Variants in AOAH observed in about 807,000 individuals in gnomAD.
AOAH encodes the protein acyloxyacyl hydrolase.
A neutral mutation model predicts 92.2 loss-of-function variants in AOAH; 64 were observed. The observed-to-expected ratio is 0.69, with a 90% confidence interval of 0.57 to 0.86. The LOEUF is 0.86. Ranked by LOEUF, AOAH falls within the 40% of genes least tolerant of loss-of-function variation. The pLI is 0.00. For missense variants in AOAH, 656 were observed against 694.6 expected (o/e 0.94, Z 0.62); for synonymous variants, 263 against 254.5 (o/e 1.03, Z -0.32).
intron 12 of AOAH, among the ~76,000 whole-genome samples, chr7:36,590,478 A>C (rs924269126): frequency 8.5e-5 from 13 of 152,226 alleles, no homozygotes; most frequent in African/African-American, 3.1e-4. Context: ...TTGTAAAACT[A>C]AGGGGTTATG....
intron 5 of AOAH, among the ~76,000 whole-genome samples, chr7:36,634,713 T>C (rs4335046): frequency 0.038 from 5,780 of 152,286 alleles, 185 homozygotes; most frequent in Middle Eastern, 0.13. Flanking sequence ...ATTTGAATGT[T>C]TGAGGTACTT....
At chr7:36,579,882 C>G (rs2116669329) in intron 12 of AOAH, among the ~76,000 whole-genome samples, 1 of 152,298 alleles carries the variant, frequency 6.6e-6, no homozygotes, top group South Asian at 2.1e-4. Context: ...TACTTCAATC[C>G]AATCAAGTTG....
chr7:36,521,590 C>G (rs1784109605), intron 20 of AOAH, among the ~76,000 whole-genome samples: 2 of 152,308 alleles, frequency 1.3e-5, no homozygotes, highest in Middle Eastern at 3.4e-3. Context: ...TCCTCCTATA[C>G]AGCACCCTTT....
chr7:36,724,212 G>GAAT lies in AOAH; in HGVS notation c.-65_-64insATT. ...AAGCTCCCAACTGAGGGATGCTGGAGCTGAGGCTGCAGAATCAATTGATCT... is the reference window on the plus strand; with the variant it reads ...AAGCTCCCAACTGAGGGATGCTGGAGAATCTGAGGCTGCAGAATCAATTGATCT... On this transcript the variant is annotated 5_prime_UTR_variant, in exon 1 of 21. Transcript: ENST00000617537. The GAAT allele has an allele frequency of 1.9e-6, 3 of 1,592,792 alleles. No homozygotes were observed. In the South Asian group the frequency reaches 3.3e-5, roughly 18 times the overall value.
intron 12 of AOAH, among the ~76,000 whole-genome samples, chr7:36,591,016 T>A (rs1259026838): frequency 2.0e-5 from 3 of 152,212 alleles, no homozygotes; most frequent in Non-Finnish European, 4.4e-5. Context: ...CAAATTATGA[T>A]CCCACAGATG....
rs145331215 is a variant in AOAH at position 36,715,164 on chromosome 7, A to T, written c.127+8858T>A. Among the ~76,000 whole-genome samples, 499 of 151,948 alleles carry T rather than the reference A, an allele frequency of 3.3e-3. 4 individuals carry two copies. Among genetic ancestry groups the T allele is most frequent in the African/African-American group, 0.011 (476 of 41,420 alleles). ...ACAAAATCAATGTGCAAAAATCACAAGCATTCTTATACACCAATAACAGAC... is the reference window on the plus strand; with the variant it reads ...ACAAAATCAATGTGCAAAAATCACATGCATTCTTATACACCAATAACAGAC... On this transcript the variant is annotated intron_variant, in intron 1 of 20. Transcript: ENST00000617537.
intron 13 of AOAH, among the ~76,000 whole-genome samples, chr7:36,564,726 T>A: frequency 6.6e-6 from 1 of 152,242 alleles, no homozygotes; most frequent in South Asian, 2.1e-4. Context: ...GAATTTTCCC[T>A]CTGTAGTTGT....
chr7:36,572,499 A>T (rs1788208405), intron 13 of AOAH, among the ~76,000 whole-genome samples: 1 of 151,624 alleles, frequency 6.6e-6, no homozygotes, highest in Admixed American at 6.6e-5. Flanking sequence ...CTCCAGCCTG[A>T]GTGACAGAGT....
intron 12 of AOAH, among the ~76,000 whole-genome samples, chr7:36,583,180 T>C (rs570690065): frequency 1.2e-4 from 18 of 152,198 alleles, no homozygotes; most frequent in African/African-American, 3.6e-4. Context: ...GGGAATAAGT[T>C]ACAAAAAACA....
At chr7:36,657,298 G>A (rs1047397160) in intron 4 of AOAH, among the ~76,000 whole-genome samples, 1 of 152,046 alleles carries the variant, frequency 6.6e-6, no homozygotes, top group African/African-American at 2.4e-5. Context: ...TTCTTTCCTC[G>A]GGAAGTGACT....
chr7:36,659,480 G>A (rs775643608), intron 3 of AOAH, among the ~76,000 whole-genome samples: 18 of 152,200 alleles, frequency 1.2e-4, no homozygotes, highest in Admixed American at 3.3e-4. Context: ...TCCTAAAGGC[G>A]AGGATGGGGC....
intron 4 of AOAH, among the ~76,000 whole-genome samples, chr7:36,642,968 T>C (rs1167207718): frequency 1.3e-5 from 2 of 152,230 alleles, no homozygotes; most frequent in Non-Finnish European, 2.9e-5. Context: ...GTGGAGATAA[T>C]AGCGTTGTGA....
chr7:36,526,062 C>T (rs753764122), intron 19 of AOAH, among the ~76,000 whole-genome samples: 2 of 152,186 alleles, frequency 1.3e-5, no homozygotes, highest in Admixed American at 6.5e-5. Flanking sequence ...TAAATAATGT[C>T]GATGATAACA....
chr7:36,675,940 T>C (rs1796229926), intron 2 of AOAH, among the ~76,000 whole-genome samples: 1 of 152,212 alleles, frequency 6.6e-6, no homozygotes, highest in Non-Finnish European at 1.5e-5. Context: ...CACTGCTTCA[T>C]GATTTTATTA....
intron 4 of AOAH, among the ~76,000 whole-genome samples, chr7:36,653,121 G>GAAAT (rs1227713252): frequency 6.6e-6 from 1 of 152,148 alleles, no homozygotes; most frequent in Non-Finnish European, 1.5e-5. Flanking sequence ...ACGTTTATTT[G>GAAAT]AAATAACAGA....
intron 19 of AOAH, among the ~76,000 whole-genome samples, chr7:36,524,678 C>T (rs1188232140): frequency 6.6e-6 from 1 of 151,012 alleles, no homozygotes; most frequent in Non-Finnish European, 1.5e-5. Flanking sequence ...TCTGTCTCGA[C>T]AATAAGTAAA....
intron 13 of AOAH, among the ~76,000 whole-genome samples, chr7:36,567,308 G>A (rs568726922): frequency 5.0e-4 from 76 of 152,208 alleles, no homozygotes; most frequent in Admixed American, 8.5e-4. Context: ...CCCAAATAGC[G>A]GACAGTATGG....
intron 13 of AOAH, among the ~76,000 whole-genome samples, chr7:36,564,443 G>C (rs546918414): frequency 6.6e-6 from 1 of 152,188 alleles, no homozygotes; most frequent in African/African-American, 2.4e-5. Flanking sequence ...AGAGAAAGGA[G>C]AGGAGGGGAG....
At chr7:36,633,011 TGGAGGGCAAGG>T (rs1365549753) in intron 5 of AOAH, among the ~76,000 whole-genome samples, 1 of 152,040 alleles carries the variant, frequency 6.6e-6, no homozygotes, top group Non-Finnish European at 1.5e-5. Context: ...CTCCGTGGAG[TGGAGGGCAAGG>T]GTGGAGGCCC....
Sources: gnomAD v4.1 joint callset for allele counts (sites outside exome capture counted in the v4.1 genomes callset) on GRCh38, gnomAD v4.1.1 for gene constraint, MANE v1.5 for transcripts, NCBI Gene and HGNC (gene_info 2026-07-23, HGNC 2026-07-21) for gene names.